The following INTS5 variants were observed in gnomAD, a reference collection of about 807,000 sequenced individuals.
The protein encoded by INTS5 is KIAA1698.
In INTS5, 29 loss-of-function variants were observed where a neutral mutation model predicts 60.0. The ratio of observed to expected loss-of-function variants is 0.48; its 90% confidence interval spans 0.36 to 0.66. INTS5 has a LOEUF of 0.66. INTS5 is among the 30% of genes least tolerant of loss of function. INTS5 has a pLI of 0.00. For missense variants in INTS5, 1,129 were observed against 1,307.9 expected (o/e 0.86, Z 2.11); for synonymous variants, 588 against 558.8 (o/e 1.05, Z -0.74).
Position 62,649,948 on chromosome 11 carries a change from G to A in INTS5, c.132C>T (p.Pro44=), listed in dbSNP as rs1231777690. 2 of 1,614,062 alleles carry A rather than the reference G, an allele frequency of 1.2e-6. No homozygotes were observed. Among genetic ancestry groups the A allele is most frequent in the Non-Finnish European group, 1.7e-6 (2 of 1,180,032 alleles). ...EIKAFLTGVD[P]ILGHQLSARE... ...GGGCTGAGAGTTGGTGGCCCAGAAT[G>A]GGGTCTACGCCAGTCAGAAAAGCCT... The change falls in exon 2 of 2, where the codon CCC becomes CCT. Residue 44 remains proline, a synonymous_variant. Coordinates refer to ENST00000330574, the MANE Select transcript of INTS5 (RefSeq NM_030628.2). The surrounding 1 kb of genome is among the most constrained non-coding windows in gnomAD (Gnocchi z 6.0).
rs545158746 is a variant in INTS5 at position 62,648,613 on chromosome 11, T to C, written c.1467A>G (p.Leu489=). 3.1e-6 allele frequency: 5 copies of C among 1,614,060 alleles called. No individual in the cohort carries two copies. The African/African-American group carries it at 6.7e-5, about 22-fold the overall frequency. ...AGAGGAAGCGCTTCCGTTCCAATCG[T>C]AACGTCTCTCCACACAGCTCTCCAA... is the stretch of plus-strand genomic sequence containing the variant. ...NHVGELCGET[L]RLERKRFLWQ... The change falls in exon 2 of 2, where the codon TTA becomes TTG. Residue 489 remains leucine, a synonymous_variant. Transcript: ENST00000330574. The surrounding 1 kb of genome is among the most constrained non-coding windows in gnomAD (Gnocchi z 4.4).
Position 62,648,570 on chromosome 11 carries a change from C to A in INTS5, c.1510G>T (p.Gly504Cys). 1 of 1,614,116 alleles carries A rather than the reference C, an allele frequency of 6.2e-7. No individual in the cohort carries two copies. Reference sequence around the variant, plus strand: ...GGCCGGGTATAGACAGACAGCAGGCCCAAGAGCTGGTGCTGCCAGAGGAAG... The same window carrying A: ...GGCCGGGTATAGACAGACAGCAGGCACAAGAGCTGGTGCTGCCAGAGGAAG... ...KRFLWQHQLL[G>C]LLSVYTRPSC... is the part of the protein sequence containing the mutation. Residue 504 changes from glycine to cysteine, a missense_variant, in exon 2 of 2, where the codon GGC (glycine) becomes TGC (cysteine). Around this residue, in one of 3 missense-constraint regions of INTS5, gnomAD observed 1,070 missense variants for 1,246.1 expected, o/e 0.86. Coordinates refer to ENST00000330574, the MANE Select transcript of INTS5 (RefSeq NM_030628.2). The surrounding 1 kb of genome is among the most constrained non-coding windows in gnomAD (Gnocchi z 4.4).
chr11:62,646,960 A>G lies in INTS5; in HGVS notation c.*60T>C. 7.4e-7 allele frequency: 1 copy of G among 1,350,008 alleles called. No individual in the cohort carries two copies. Among genetic ancestry groups the G allele is most frequent in the Non-Finnish European group, 1.0e-6 (1 of 971,858 alleles). The allele number at this position is 1,350,008 out of a possible 1,614,324, so 83.6% of individuals were successfully genotyped here. A position where few individuals can be genotyped will look rare whatever the true frequency, so the allele number is the denominator to read the frequency against. On this transcript the variant is annotated 3_prime_UTR_variant, in exon 2 of 2. Coordinates refer to ENST00000330574, the MANE Select transcript of INTS5 (RefSeq NM_030628.2). ...AGAGAAACCTCCACCCTTCCGGAGC[A>G]CGTTAGTCCCTTCCCTCTCTCACTG...
In INTS5 at chr11:62,653,284, C is replaced by G. The variant is rs1050000980; in HGVS notation, c.-35G>C. 25 of 1,234,266 alleles carry G rather than the reference C, an allele frequency of 2.0e-5. No individual in the cohort carries two copies. Among genetic ancestry groups the G allele is most frequent in the Non-Finnish European group, 2.3e-5 (23 of 980,716 alleles). 76.5% of individuals were successfully genotyped at this position (1,234,266 alleles called of 1,614,324 possible). A position where few individuals can be genotyped will look rare whatever the true frequency, so the allele number is the denominator to read the frequency against. On this transcript the variant is annotated 5_prime_UTR_variant, in exon 1 of 2. Coordinates refer to ENST00000330574, the MANE Select transcript of INTS5 (RefSeq NM_030628.2). Reference sequence around the variant, plus strand: ...CGAGCCGAGCCCGAGGCGCGAGCGGCGGAGCGCAGGCGGCGCATGCGCGCT... The same window carrying G: ...CGAGCCGAGCCCGAGGCGCGAGCGGGGGAGCGCAGGCGGCGCATGCGCGCT...
At position 62,647,668 on chromosome 11, in the gene INTS5, C is replaced by T. The variant is rs1590836401; in HGVS notation, c.2412G>A (p.Leu804=). Residue 804 remains leucine (L), a synonymous_variant, in exon 2 of 2, where the codon TTG becomes TTA. Coordinates refer to ENST00000330574, the MANE Select transcript of INTS5 (RefSeq NM_030628.2). ...CCACTGCTTTGGCTGCCTCTGGACT[C>T]AAGATGGGTGCCCCCCAGCATTCCC... The part of the protein sequence containing the change: ...ECGECWGAPI[L]SPEAAKAVAV... 1.9e-6 allele frequency: 3 copies of T among 1,614,122 alleles called. No individual in the cohort carries two copies. In the East Asian group the frequency reaches 6.7e-5, roughly 36 times the overall value.
chr11:62,647,455 G>A lies in INTS5; in HGVS notation c.2625C>T (p.Ser875=), dbSNP rs1219336766. The change falls in exon 2 of 2, where the codon TCC becomes TCT. Residue 875 remains serine, a synonymous_variant. Transcript: ENST00000330574. ...AAAPPALCYC[S]VLLRGLLAAL... ...CGGCCAGCAGCCCCCGAAGCAGCAC[G>A]GAACAGTAGCACAGGGCTGGGGGTG... is the stretch of plus-strand genomic sequence containing the variant. 3 of 1,606,458 alleles carry A rather than the reference G, an allele frequency of 1.9e-6. No homozygotes were observed. Among genetic ancestry groups the A allele is most frequent in the African/African-American group, 1.3e-5 (1 of 74,836 alleles).
chr11:62,652,299 T>G (rs763709004), intron 1 of INTS5, among the ~76,000 whole-genome samples: 11 of 150,868 alleles, frequency 7.3e-5, no homozygotes, highest in Non-Finnish European at 1.3e-4. Context: ...AGCCTGGGAG[T>G]CAGGGCGACC....
At position 62,649,972 on chromosome 11, in the gene INTS5, C is replaced by T. The variant is rs1308876745; in HGVS notation, c.108G>A (p.Lys36=). The change falls in exon 2 of 2, where the codon AAG becomes AAA. Residue 36 remains lysine, a synonymous_variant. Transcript: ENST00000330574. This position sits in a 1 kb window ranked among gnomAD's most constrained non-coding sequence, Gnocchi z 6.0. Reference sequence around the variant, plus strand: ...TGGGGTCTACGCCAGTCAGAAAAGCCTTGATTTCCTGGGACAGCTCCTGAG... The same window carrying T: ...TGGGGTCTACGCCAGTCAGAAAAGCTTTGATTTCCTGGGACAGCTCCTGAG... ...LSAQELSQEI[K]AFLTGVDPIL... The T allele has an allele frequency of 3.7e-6, 6 of 1,614,136 alleles. 1 individual carries two copies. In the South Asian group the frequency reaches 5.5e-5, roughly 15 times the overall value.
chr11:62,648,884 G>C lies in INTS5; in HGVS notation c.1196C>G (p.Ser399Cys). 3 of 1,613,740 alleles carry C rather than the reference G, an allele frequency of 1.9e-6. No homozygotes were observed. In the East Asian group the frequency reaches 6.7e-5, roughly 36 times the overall value. Residue 399 changes from serine to cysteine, a missense_variant, in exon 2 of 2, where the codon TCT becomes TGT. This residue lies in a region of INTS5 where 1,070 missense variants were observed against 1,246.1 expected (regional missense o/e 0.86). Coordinates refer to ENST00000330574, the MANE Select transcript of INTS5 (RefSeq NM_030628.2). This position sits in a 1 kb window ranked among gnomAD's most constrained non-coding sequence, Gnocchi z 4.4. The part of the protein sequence containing the change: ...NLAVHLVSQA[S>C]GAGAYRLLQF... ...CAGCAAGCGGTAGGCACCTGCCCCA[G>C]AGGCCTGGCTCACCAGGTGCACAGC...
At position 62,649,015 on chromosome 11, in the gene INTS5, G is replaced by A; in HGVS notation, c.1065C>T (p.Val355=). The A allele has an allele frequency of 6.2e-7, 1 of 1,613,316 alleles. No individual in the cohort carries two copies. The highest frequency in any genetic ancestry group is 8.5e-7 in the Non-Finnish European group (1 of 1,179,650). ...TGAGGCAATCCACAAGCTCTCCAGA[G>A]ACAGTGCCCAGCAAAGCTGGTGACA... ...AVMSPALLGT[V]SGELVDCLKP... The change falls in exon 2 of 2, where the codon GTC becomes GTT. Residue 355 remains valine, a synonymous_variant. Transcript: ENST00000330574. The surrounding 1 kb of genome is among the most constrained non-coding windows in gnomAD (Gnocchi z 6.0).
In INTS5 at chr11:62,647,862, G is replaced by A; in HGVS notation, c.2218C>T (p.Pro740Ser). The A allele has an allele frequency of 6.2e-7, 1 of 1,614,220 alleles. No individual in the cohort carries two copies. The highest frequency in any genetic ancestry group is 2.2e-5 in the East Asian group (1 of 44,886). Residue 740 changes from proline (P) to serine (S), a missense_variant, in exon 2 of 2, where the codon CCA becomes TCA. Physicochemically the swap from Pro to Ser is moderately conservative, Grantham distance 74. Around this residue, in one of 3 missense-constraint regions of INTS5, gnomAD observed 1,070 missense variants for 1,246.1 expected, o/e 0.86. Transcript: ENST00000330574. ...DTNRRHTAAV[P>S]GPGGIWSVFH... ...ACTGACCAAATCCCTCCAGGACCTGGCACAGCTGCAGTGTGCCTCCGGTTA... is the reference window on the plus strand; with the variant it reads ...ACTGACCAAATCCCTCCAGGACCTGACACAGCTGCAGTGTGCCTCCGGTTA...
Position 62,649,211 on chromosome 11 carries a change from T to C in INTS5, c.869A>G (p.Lys290Arg). The change falls in exon 2 of 2, where the codon AAG becomes AGG. Residue 290 changes from lysine to arginine, a missense_variant. Physicochemically the swap from Lys to Arg is conservative, Grantham distance 26. Transcript: ENST00000330574. This position sits in a 1 kb window ranked among gnomAD's most constrained non-coding sequence, Gnocchi z 6.0. ...TAGGATGCCTACAACTGAGGCAATC[T>C]TGGGCACCCGTTTCTCCGCAGGAAT... ...PAIPAEKRVP[K>R]IASVVGILGH... 1 of 1,613,878 alleles carries C rather than the reference T, an allele frequency of 6.2e-7. No individual in the cohort carries two copies. The highest frequency in any genetic ancestry group is 2.2e-5 in the East Asian group (1 of 44,866).
Position 62,649,290 on chromosome 11 carries a change from C to T in INTS5, c.790G>A (p.Gly264Ser), listed in dbSNP as rs905201763. ...GGAGGGAGSS[G>S]GSSSQTPSTD... ...GAGGGGGTCTGAGAAGAGCTTCCAC[C>T]ACTACTGCCAGCTCCACCTCCAGCC... The change falls in exon 2 of 2, where the codon GGT (glycine) becomes AGT (serine). Residue 264 changes from glycine (G) to serine (S), a missense_variant. Transcript: ENST00000330574. This position sits in a 1 kb window ranked among gnomAD's most constrained non-coding sequence, Gnocchi z 6.0. 2 of 1,613,960 alleles carry T rather than the reference C, an allele frequency of 1.2e-6. No homozygotes were observed. Among genetic ancestry groups the T allele is most frequent in the African/African-American group, 2.7e-5 (2 of 74,876 alleles).
Position 62,648,324 on chromosome 11 carries a change from G to A in INTS5, c.1756C>T (p.Gln586Ter). ...RNLALLVGWE[Q>*]QGGEGPAALG... The stretch of plus-strand genomic sequence containing the variant: ...GCTGCAGGGCCCTCGCCACCCTGCT[G>A]TTCCCACCCTACTAGCAGTGCCAAG... Residue 586 changes from glutamine to a stop codon, truncating the protein, a stop_gained, in exon 2 of 2, where the codon CAG becomes TAG. Coordinates refer to ENST00000330574, the MANE Select transcript of INTS5 (RefSeq NM_030628.2). LOFTEE classifies it high-confidence loss of function. The surrounding 1 kb of genome is among the most constrained non-coding windows in gnomAD (Gnocchi z 4.4). 6.2e-7 allele frequency: 1 copy of A among 1,613,934 alleles called. No individual in the cohort carries two copies. Among genetic ancestry groups the A allele is most frequent in the Non-Finnish European group, 8.5e-7 (1 of 1,180,010 alleles).
Position 62,647,097 on chromosome 11 carries a change from T to G in INTS5, c.2983A>C (p.Asn995His). The change falls in exon 2 of 2, where the codon AAC becomes CAC. Residue 995 changes from asparagine to histidine, a missense_variant. This residue lies in a region of INTS5 where 1,070 missense variants were observed against 1,246.1 expected (regional missense o/e 0.86). Transcript: ENST00000330574. ...GAGAAAAGACCTAGGCGGTCGATGT[T>G]GCGGTGGAGGACACTGTGCAGCACA... The part of the protein sequence containing the change: ...LAVLHSVLHR[N>H]IDRLGLFSGR... The G allele has an allele frequency of 1.9e-6, 3 of 1,614,096 alleles. No homozygotes were observed. Among genetic ancestry groups the G allele is most frequent in the Non-Finnish European group, 2.5e-6 (3 of 1,180,014 alleles).
Position 62,648,682 on chromosome 11 carries a change from T to TG in INTS5, c.1397dup (p.Pro467ThrfsTer47), listed in dbSNP as rs34065795. On this transcript the variant is annotated frameshift_variant, in exon 2 of 2. Transcript: ENST00000330574. LOFTEE classifies it high-confidence loss of function. This position sits in a 1 kb window ranked among gnomAD's most constrained non-coding sequence, Gnocchi z 4.4. Reference sequence around the variant, plus strand: ...CTAAAAAGGGCACCAAGCGGGGAGGTGGGGGCGGGCCTAGCACCCCTTCCC... The same window carrying TG: ...CTAAAAAGGGCACCAAGCGGGGAGGTGGGGGGCGGGCCTAGCACCCCTTCCC... The TG allele has an allele frequency of 6.2e-7, 1 of 1,613,622 alleles. No individual in the cohort carries two copies. Among genetic ancestry groups the TG allele is most frequent in the Non-Finnish European group, 8.5e-7 (1 of 1,179,882 alleles).
chr11:62,650,891 T>C (rs1273155839), intron 1 of INTS5, among the ~76,000 whole-genome samples: 1 of 152,024 alleles, frequency 6.6e-6, no homozygotes, highest in African/African-American at 2.4e-5. Context: ...AACCTTTTTA[T>C]AGAAATGAGG....
chr11:62,649,747 G>A lies in INTS5; in HGVS notation c.333C>T (p.Val111=). 6.2e-7 allele frequency: 1 copy of A among 1,614,222 alleles called. No homozygotes were observed. The highest frequency in any genetic ancestry group is 8.5e-7 in the Non-Finnish European group (1 of 1,180,048). The part of the protein sequence containing the change: ...PHLRPPPPSH[V]PAGGPGLEDV... ...CCTCTAGACCAGGTCCACCAGCAGG[G>A]ACATGAGAGGGTGGAGGTGGACGGA... Residue 111 remains valine (V), a synonymous_variant, in exon 2 of 2, where the codon GTC becomes GTT. Coordinates refer to ENST00000330574, the MANE Select transcript of INTS5 (RefSeq NM_030628.2). This position sits in a 1 kb window ranked among gnomAD's most constrained non-coding sequence, Gnocchi z 6.0.
intron 1 of INTS5, 75 bp from the exon 2 acceptor site, chr11:62,650,074 T>C (rs1944582130): frequency 7.5e-6 from 9 of 1,192,124 alleles, no homozygotes; most frequent in Non-Finnish European, 1.1e-5. Flanking sequence ...GTATGAGCTT[T>C]GCCTTTTATG....
Sources: gnomAD v4.1 joint callset for allele counts (sites outside exome capture counted in the v4.1 genomes callset) on GRCh38, gnomAD v4.1.1 for gene constraint, gnomAD v4.1.1 regional missense constraint, Gnocchi (gnomAD v3.1) non-coding constraint, MANE v1.5 for transcripts, NCBI Gene and HGNC (gene_info 2026-07-23, HGNC 2026-07-21) for gene names.